The following DENND1A variants were observed in gnomAD, a reference collection of about 807,000 sequenced individuals.
DENND1A encodes the protein DENN domain containing 1A, also known as DENN domain-containing protein 1A.
Under a neutral mutation model 113.7 loss-of-function variants are expected in DENND1A, and 51 were observed. The ratio of observed to expected loss-of-function variants is 0.45; its 90% CI spans 0.36 to 0.57. The LOEUF (loss-of-function observed/expected upper bound fraction) is 0.57, where lower values mean the gene tolerates loss of function less well. DENND1A is among the 20% of genes least tolerant of loss of function. The pLI is 0.00. For missense variants in DENND1A, 1,258 were observed against 1,395.9 expected, an observed-to-expected ratio of 0.90 and a Z score of 1.57; for synonymous variants, 565 against 570.8, an observed-to-expected ratio of 0.99 and a Z score of 0.14.
chr9:123,452,225 A>T, intron 17 of DENND1A, 51 bp downstream of exon 17: 1 of 1,504,752 alleles, frequency 6.6e-7, no homozygotes, highest in Non-Finnish European at 9.2e-7. Flanking sequence ...GAGTCTCATC[A>T]TGCTAAGGGA....
intron 13 of DENND1A, among the ~76,000 whole-genome samples, chr9:123,512,375 G>A (rs911497206): frequency 6.6e-6 from 1 of 152,226 alleles, no homozygotes; most frequent in African/African-American, 2.4e-5. Flanking sequence ...TGGGAGTGGG[G>A]TGCGACTGAA....
chr9:123,482,016 C>G (rs1381505612), intron 13 of DENND1A, among the ~76,000 whole-genome samples: 1 of 151,976 alleles, frequency 6.6e-6, no homozygotes, highest in Admixed American at 6.5e-5. Flanking sequence ...GTTGGTCAGG[C>G]TGGTCTCGAA....
intron 5 of DENND1A, among the ~76,000 whole-genome samples, chr9:123,706,553 C>G (rs940515702): frequency 5.3e-5 from 8 of 151,458 alleles, no homozygotes; most frequent in African/African-American, 1.9e-4. Flanking sequence ...GGGCGGATCA[C>G]GAGGTCAGGA....
At chr9:123,767,222 A>T (rs764125250) in intron 4 of DENND1A, among the ~76,000 whole-genome samples, 1 of 152,172 alleles carries the variant, frequency 6.6e-6, no homozygotes, top group African/African-American at 2.4e-5. Context: ...AAAGTATACC[A>T]AGGTTAGAGG....
At chr9:123,817,463 T>A (rs557130571) in intron 2 of DENND1A, among the ~76,000 whole-genome samples, 4 of 152,194 alleles carry the variant, frequency 2.6e-5, no homozygotes, top group Non-Finnish European at 5.9e-5. Flanking sequence ...AACCAACATT[T>A]TAATATATTA....
intron 2 of DENND1A, among the ~76,000 whole-genome samples, chr9:123,817,583 C>T (rs1837704171): frequency 6.6e-6 from 1 of 152,120 alleles, no homozygotes; most frequent in Non-Finnish European, 1.5e-5. Flanking sequence ...CCCTCAGAGA[C>T]CTCAGAACGT....
chr9:123,452,487 C>G (rs750004717), intron 16 of DENND1A, 140 bp from the exon 17 acceptor site: 2 of 699,426 alleles, frequency 2.9e-6, no homozygotes, highest in Non-Finnish European at 5.0e-6. Flanking sequence ...TGGATGATAA[C>G]TGGTCCCTGC....
chr9:123,392,894 ATGAG>A (rs1214823796), intron 21 of DENND1A, among the ~76,000 whole-genome samples: 1 of 152,118 alleles, frequency 6.6e-6, no homozygotes, highest in Non-Finnish European at 1.5e-5. Context: ...GTTCCCACTT[ATGAG>A]TGAGAACATA....
At chr9:123,566,316 T>G (rs2058049822) in intron 12 of DENND1A, among the ~76,000 whole-genome samples, 1 of 152,214 alleles carries the variant, frequency 6.6e-6, no homozygotes, top group South Asian at 2.1e-4. Context: ...TTTAATTGCT[T>G]CTTCTGCATC....
chr9:123,450,043 GAAA>G lies in DENND1A; in HGVS notation c.1356+647_1356+649del, dbSNP rs112846577. 2.3e-4 allele frequency among the ~76,000 whole-genome samples: 28 copies of G among 119,726 alleles called. No homozygotes were observed. The East Asian group carries it at 2.9e-3, about 12-fold the overall frequency. 78.5% of individuals were successfully genotyped at this position (119,726 alleles called of 152,430 possible). On this transcript the variant is annotated intron_variant, in intron 18 of 23. Transcript: ENST00000394215. ...ATACAAAAGAAGTCAGATAAAAAAAGAAAAAAAAAAAAAAAAGGGAGATTCAGG... is the reference window on the plus strand; with the variant it reads ...ATACAAAAGAAGTCAGATAAAAAAAGAAAAAAAAAAAAAGGGAGATTCAGG...
At chr9:123,821,790 A>G (rs773206987) in intron 2 of DENND1A, among the ~76,000 whole-genome samples, 11 of 152,226 alleles carry the variant, frequency 7.2e-5, no homozygotes, top group Non-Finnish European at 7.3e-5. Flanking sequence ...GCAGAGGACA[A>G]GCACACAAAT....
rs1231839476 is a variant in DENND1A, at chr9:123,818,649, T to C, written c.89-26019A>G. Among the ~76,000 whole-genome samples, 10 of 151,602 alleles carry C rather than the reference T, an allele frequency of 6.6e-5. 1 individual carries two copies. Among genetic ancestry groups the C allele is most frequent in the Admixed American group, 5.3e-4 (8 of 15,194 alleles). On this transcript the variant is annotated intron_variant, in intron 2 of 23. Transcript: ENST00000394215. ...ATTCATTTACATTTCGTACATACCT[T>C]ACACACATAGCCTGAAGGTAATTTC...
intron 2 of DENND1A, among the ~76,000 whole-genome samples, chr9:123,857,505 A>G (rs1844396626): frequency 6.6e-6 from 1 of 152,264 alleles, no homozygotes; most frequent in Non-Finnish European, 1.5e-5. Context: ...GGAACTTTTC[A>G]GTAGACAAGC....
chr9:123,767,882 T>C (rs1420843556), intron 4 of DENND1A, among the ~76,000 whole-genome samples: 1 of 152,232 alleles, frequency 6.6e-6, no homozygotes, highest in Admixed American at 6.5e-5. Context: ...TATTTTTCTT[T>C]ATTAAACACC....
chr9:123,818,119 T>A (rs1043938680), intron 2 of DENND1A, among the ~76,000 whole-genome samples: 3 of 152,182 alleles, frequency 2.0e-5, no homozygotes, highest in South Asian at 2.1e-4. Context: ...TTGTTTTGTT[T>A]TGAGACAGAG....
At chr9:123,861,909 A>C (rs1367588752) in intron 2 of DENND1A, among the ~76,000 whole-genome samples, 1 of 152,104 alleles carries the variant, frequency 6.6e-6, no homozygotes, top group Non-Finnish European at 1.5e-5. Context: ...ACTTACAGAC[A>C]CTTTTTTTAA....
chr9:123,536,466 C>CA (rs549789129), intron 13 of DENND1A, among the ~76,000 whole-genome samples: 21,567 of 91,470 alleles, frequency 0.24, 1,822 homozygotes, highest in Middle Eastern at 0.34. Flanking sequence ...ACTCTGTCTC[C>CA]AAAAAAAAAA....
rs564459827 is a variant in DENND1A at position 123,635,013 on chromosome 9, CGAG to C, written c.619-4540_619-4538del. Among the ~76,000 whole-genome samples, 32 of 152,102 alleles carry C rather than the reference CGAG, an allele frequency of 2.1e-4. No homozygotes were observed. The South Asian group carries it at 6.0e-3, about 29-fold the overall frequency. On this transcript the variant is annotated intron_variant, in intron 9 of 23. Transcript: ENST00000394215. Reference sequence around the variant, plus strand: ...TAGTTTTCTCTGAGGCAAAGGGAGACGAGGAGAAGGCAGTGGGAGTAGGACATG... The same window carrying C: ...TAGTTTTCTCTGAGGCAAAGGGAGACGAGAAGGCAGTGGGAGTAGGACATG...
intron 2 of DENND1A, among the ~76,000 whole-genome samples, chr9:123,801,752 T>C (rs935241669): frequency 3.3e-5 from 5 of 152,182 alleles, no homozygotes; most frequent in Admixed American, 6.5e-5. Context: ...CAGCCTACAA[T>C]CCTTAGTGCA....
Sources: allele counts gnomAD v4.1 joint callset (sites outside exome capture counted in the v4.1 genomes callset), GRCh38; gene constraint gnomAD v4.1.1; transcripts MANE v1.5; gene names NCBI Gene and HGNC (gene_info 2026-07-23, HGNC 2026-07-21).